CDC25C: variants seen among roughly 807,000 people sequenced by gnomAD.
CDC25C encodes the protein cell division cycle 25C.
Under a neutral mutation model 52.5 loss-of-function variants are expected in CDC25C, and 48 were observed. The ratio of observed to expected loss-of-function variants is 0.91; its 90% CI spans 0.72 to 1.16. The LOEUF is 1.16. Ranked by LOEUF, CDC25C falls within the 50% of genes most tolerant of loss-of-function variation. The probability of loss-of-function intolerance (pLI) is 0.00; values close to 1 mark genes in which losing one functional copy is unlikely to be tolerated. For missense variants in CDC25C, 510 were observed against 566.1 expected (o/e 0.90, Z 1.01); for synonymous variants, 187 against 206.5 (o/e 0.91, Z 0.81).
At chr5:138,291,471 T>C (rs1756704895) in intron 8 of CDC25C, among the ~76,000 whole-genome samples, 2 of 149,348 alleles carry the variant, frequency 1.3e-5, no homozygotes, top group African/African-American at 2.5e-5. Flanking sequence ...CAGGCTGGAG[T>C]GCAGTGGCAC....
intron 7 of CDC25C, among the ~76,000 whole-genome samples, chr5:138,301,690 CAAAAAAAAAAAAAAATTTTTTTTT>C (rs1757637529): frequency 9.9e-6 from 1 of 101,392 alleles, no homozygotes; most frequent in Non-Finnish European, 2.0e-5. Flanking sequence ...TAGAGGTACA[CAAAAAAAAAAAAAAATTTTTTTTT>C]TTTTTTTCAG....
In CDC25C at chr5:138,319,287, C is replaced by G. The variant is rs1759153077; in HGVS notation, c.547G>C (p.Gly183Arg). 6.2e-7 allele frequency: 1 copy of G among 1,613,394 alleles called. No homozygotes were observed. Among genetic ancestry groups the G allele is most frequent in the Non-Finnish European group, 8.5e-7 (1 of 1,179,564 alleles). The change falls in exon 7 of 14, where the codon GGA becomes CGA. Residue 183 changes from glycine (G) to arginine (R), a missense_variant. By Grantham distance (125) the Gly-to-Arg change is moderately radical. Coordinates refer to ENST00000323760, the MANE Select transcript of CDC25C (RefSeq NM_001790.5). ...GAAATCTCTTCTGCCTGGTCTTCTC[C>G]TAGGTTTGGATTTTTATCCAATTTT... ...VPKLDKNPNL[G>R]EDQAEEISDE...
At chr5:138,305,096 A>G (rs1048343584) in intron 7 of CDC25C, among the ~76,000 whole-genome samples, 9 of 152,032 alleles carry the variant, frequency 5.9e-5, no homozygotes, top group African/African-American at 1.7e-4. Flanking sequence ...TACCTGCAAC[A>G]TTCCTTCTTC....
At chr5:138,320,788 C>T (rs12514117) in intron 6 of CDC25C, among the ~76,000 whole-genome samples, 67,760 of 151,322 alleles carry the variant, frequency 0.45, 16,603 homozygotes, top group South Asian at 0.68. Context: ...TGGTAGCACA[C>T]GTCTGTAATC....
chr5:138,319,379 C>G lies in CDC25C; in HGVS notation c.460-5G>C, dbSNP rs1017640591. The G allele has an allele frequency of 1.9e-6, 3 of 1,606,452 alleles. No homozygotes were observed. Among genetic ancestry groups the G allele is most frequent in the Non-Finnish European group, 2.6e-6 (3 of 1,176,118 alleles). ...GTCCACCAAGTTTCCATTGTCCTGT[C>G]AAGTATATTGACAACATTAAAAACT... is the stretch of plus-strand genomic sequence containing the variant. On this transcript the variant is annotated splice_region_variant and splice_polypyrimidine_tract_variant and intron_variant, in intron 6 of 13. Transcript: ENST00000323760.
chr5:138,319,432 T>C (rs1759171877), intron 6 of CDC25C, 58 bp from the exon 7 acceptor site: 1 of 1,339,502 alleles, frequency 7.5e-7, no homozygotes. Flanking sequence ...GTTCTAAATG[T>C]AAGAGCTAAA....
exon 1 of CDC25C, chr5:138,338,113 G>A (rs1561737716): frequency 1.2e-5 from 16 of 1,289,690 alleles, no homozygotes; most frequent in Non-Finnish European, 1.3e-5. Flanking sequence ...CGCTGTCCGA[G>A]AGACACTTTG....
chr5:138,337,965 A>G (rs1281591799), exon 1 of CDC25C: 5 of 1,289,494 alleles, frequency 3.9e-6, no homozygotes, highest in Non-Finnish European at 5.1e-6. Context: ...CCTTCTTCCG[A>G]CATGGCCTCC....
chr5:138,328,641 CT>C, intron 3 of CDC25C, 112 bp from the exon 4 acceptor site: 2 of 851,234 alleles, frequency 2.3e-6, no homozygotes, highest in Non-Finnish European at 4.0e-6. Flanking sequence ...AAGGACTGAG[CT>C]TTTGAATACA....
At chr5:138,289,198 C>T (rs1756508186) in intron 10 of CDC25C, among the ~76,000 whole-genome samples, 1 of 152,160 alleles carries the variant, frequency 6.6e-6, no homozygotes, top group Non-Finnish European at 1.5e-5. Context: ...AATTCCCTGC[C>T]TCAAGTGCCT....
At chr5:138,310,645 A>T (rs1397064895) in intron 7 of CDC25C, among the ~76,000 whole-genome samples, 6 of 152,230 alleles carry the variant, frequency 3.9e-5, no homozygotes, top group African/African-American at 1.2e-4. Context: ...TCCTGACAAC[A>T]ACCCAAGAAA....
intron 6 of CDC25C, among the ~76,000 whole-genome samples, chr5:138,321,530 G>T (rs1045545943): frequency 6.6e-6 from 1 of 151,930 alleles, no homozygotes; most frequent in Non-Finnish European, 1.5e-5. Flanking sequence ...GAGGCAGGTG[G>T]ATCACGAGGT....
chr5:138,289,652 G>T, intron 9 of CDC25C, 89 bp from the exon 10 acceptor site: 1 of 1,092,514 alleles, frequency 9.2e-7, no homozygotes, highest in Non-Finnish European at 1.4e-6. Flanking sequence ...CTTTCCAAGT[G>T]ACCCTTAAAA....
At chr5:138,336,631 G>T (rs1760722464), upstream of CDC25C, among the ~76,000 whole-genome samples, 1 of 151,960 alleles carries the variant, frequency 6.6e-6, no homozygotes, top group Non-Finnish European at 1.5e-5. Context: ...AGGCTGCAGT[G>T]AGCTGTGATC....
intron 6 of CDC25C, among the ~76,000 whole-genome samples, chr5:138,322,065 G>C (rs1373796257): frequency 2.3e-5 from 3 of 128,742 alleles, no homozygotes; most frequent in African/African-American, 8.9e-5. Flanking sequence ...GCAGTGGCGC[G>C]ATCTTGGCTC....
chr5:138,302,156 G>A (rs1436555946), intron 7 of CDC25C, among the ~76,000 whole-genome samples: 5 of 150,888 alleles, frequency 3.3e-5, no homozygotes, highest in Admixed American at 1.3e-4. Flanking sequence ...CACCATGCCC[G>A]GCTAGTTTTT....
chr5:138,309,942 A>C (rs112415274), intron 7 of CDC25C, among the ~76,000 whole-genome samples: 4,150 of 152,102 alleles, frequency 0.027, 84 homozygotes, highest in Middle Eastern at 0.037. Flanking sequence ...CCTGATCTCC[A>C]GTGATCCACC....
chr5:138,338,132 A>T, exon 1 of CDC25C: 3 of 1,289,770 alleles, frequency 2.3e-6, no homozygotes, highest in South Asian at 2.5e-5. Context: ...TGAGAGAGAC[A>T]CGACACGGAG....
intron 7 of CDC25C, among the ~76,000 whole-genome samples, chr5:138,302,698 T>G (rs1757721199): frequency 7.2e-6 from 1 of 138,614 alleles, no homozygotes; most frequent in South Asian, 2.5e-4. Context: ...AAACTCCATC[T>G]CAAAAAAAAA....
Sources: allele counts gnomAD v4.1 joint callset (sites outside exome capture counted in the v4.1 genomes callset), GRCh38; gene constraint gnomAD v4.1.1; transcripts MANE v1.5; gene names NCBI Gene and HGNC (gene_info 2026-07-23, HGNC 2026-07-21).